SGCZ: variants seen among roughly 807,000 people sequenced by gnomAD.
The protein encoded by SGCZ is zeta-sarcoglycan.
In SGCZ, 40 loss-of-function variants were observed where a neutral mutation model predicts 41.3. The ratio of observed to expected loss-of-function variants is 0.97; its 90% CI spans 0.75 to 1.26. The LOEUF (loss-of-function observed/expected upper bound fraction) is 1.26. Among genes scored for constraint, SGCZ ranks in the 50% most tolerant of loss-of-function variants. The probability of loss-of-function intolerance (pLI) is 0.00; values close to 1 mark genes in which losing one functional copy is unlikely to be tolerated. For synonymous variants in SGCZ, 206 were observed against 137.5 expected (o/e 1.50, Z -3.49); for missense variants, 552 against 369.8 (o/e 1.49, Z -4.04).
At chr8:14,200,612 T>C (rs1805423374) in intron 4 of SGCZ, among the ~76,000 whole-genome samples, 1 of 152,106 alleles carries the variant, frequency 6.6e-6, no homozygotes, top group African/African-American at 2.4e-5. Context: ...TGTTTTTTTG[T>C]TTGTTTGTTT....
intron 2 of SGCZ, among the ~76,000 whole-genome samples, chr8:14,457,881 G>T (rs6651371): frequency 0.045 from 6,901 of 152,088 alleles, 484 homozygotes; most frequent in African/African-American, 0.16. Flanking sequence ...ACCGGTCTCC[G>T]CGCATTGGTG....
chr8:14,092,349 G>T (rs539980088), intron 7 of SGCZ, among the ~76,000 whole-genome samples: 1 of 152,110 alleles, frequency 6.6e-6, no homozygotes, highest in South Asian at 2.1e-4. Context: ...TTCCAGTTGT[G>T]TGAAGAATGT....
At position 14,086,605 on chromosome 8, in the gene SGCZ, C is replaced by T. The variant is rs893994914; in HGVS notation, c.*3838G>A. On this transcript the variant is annotated 3_prime_UTR_variant, in exon 8 of 8. Coordinates refer to ENST00000382080, the MANE Select transcript of SGCZ (RefSeq NM_139167.4). ...ATTTGGTTAATATTTCTATTAATTT[C>T]CTAAACAGTCATTTTGAATAAGATC... Among the ~76,000 whole-genome samples the T allele has an allele frequency of 1.3e-5, 2 of 151,614 alleles. No individual in the cohort carries two copies. The highest frequency in any genetic ancestry group is 1.3e-4 in the Admixed American group (2 of 15,174).
At chr8:14,959,465 G>C (rs917274448) in intron 1 of SGCZ, among the ~76,000 whole-genome samples, 2 of 152,124 alleles carry the variant, frequency 1.3e-5, no homozygotes, top group African/African-American at 2.4e-5. Context: ...GTTGCTTATA[G>C]TATATCAGCC....
chr8:14,399,857 T>C (rs114414708), intron 2 of SGCZ, among the ~76,000 whole-genome samples: 3,555 of 152,216 alleles, frequency 0.023, 126 homozygotes, highest in African/African-American at 0.078. Flanking sequence ...CTTTATATGC[T>C]ATAAAGTTTA....
chr8:14,676,621 A>T (rs1258204398), intron 1 of SGCZ, among the ~76,000 whole-genome samples: 2 of 152,208 alleles, frequency 1.3e-5, no homozygotes, highest in African/African-American at 4.8e-5. Flanking sequence ...GCACAATAAT[A>T]TAAACCACGA....
At chr8:14,558,354 C>T (rs1804096521) in intron 1 of SGCZ, among the ~76,000 whole-genome samples, 1 of 152,030 alleles carries the variant, frequency 6.6e-6, no homozygotes, top group Non-Finnish European at 1.5e-5. Flanking sequence ...GCAGGTGGAT[C>T]ACTTGAGGTC....
chr8:14,392,924 A>C (rs1804826614), intron 2 of SGCZ, among the ~76,000 whole-genome samples: 1 of 152,132 alleles, frequency 6.6e-6, no homozygotes, highest in African/African-American at 2.4e-5. Context: ...TACCCTTTTA[A>C]ATAGAAAACT....
chr8:15,119,695 T>A (rs1807407222), intron 1 of SGCZ, among the ~76,000 whole-genome samples: 2 of 152,282 alleles, frequency 1.3e-5, no homozygotes, highest in South Asian at 4.1e-4. Flanking sequence ...TCAGATAACT[T>A]GCTTTCTATC....
chr8:15,228,877 T>A (rs1259934973), intron 1 of SGCZ, among the ~76,000 whole-genome samples: 1 of 152,202 alleles, frequency 6.6e-6, no homozygotes, highest in Non-Finnish European at 1.5e-5. Flanking sequence ...AGCTTTATAA[T>A]CTTCGTAGCT....
chr8:14,649,677 TA>T (rs1252496472), intron 1 of SGCZ, among the ~76,000 whole-genome samples: 2 of 152,104 alleles, frequency 1.3e-5, no homozygotes, highest in African/African-American at 4.8e-5. Flanking sequence ...GCCTAATTGC[TA>T]AACACGTAGA....
At chr8:14,442,983 T>C (rs931414786) in intron 2 of SGCZ, among the ~76,000 whole-genome samples, 1 of 151,982 alleles carries the variant, frequency 6.6e-6, no homozygotes, top group Non-Finnish European at 1.5e-5. Context: ...AAAATCAATG[T>C]ACAAAAATCA....
At chr8:14,448,324 T>A (rs1486710742) in intron 2 of SGCZ, among the ~76,000 whole-genome samples, 2 of 152,198 alleles carry the variant, frequency 1.3e-5, no homozygotes, top group Non-Finnish European at 2.9e-5. Flanking sequence ...TTTTCTGATA[T>A]CAAGAGATCA....
intron 2 of SGCZ, among the ~76,000 whole-genome samples, chr8:14,342,407 C>T (rs1208282472): frequency 6.6e-6 from 1 of 152,126 alleles, no homozygotes; most frequent in Admixed American, 6.5e-5. Context: ...AGCTCTGCCT[C>T]CCGGGTTCAT....
At chr8:14,324,243 G>A (rs745522324) in intron 2 of SGCZ, 39 bp from the exon 3 acceptor site, 3 of 1,439,504 alleles carry the variant, frequency 2.1e-6, no homozygotes, top group Non-Finnish European at 2.9e-6. Flanking sequence ...TAGGTTAATT[G>A]GAGAATGAAT....
At chr8:14,273,795 G>C (rs994685399) in intron 3 of SGCZ, among the ~76,000 whole-genome samples, 4 of 152,054 alleles carry the variant, frequency 2.6e-5, no homozygotes, top group African/African-American at 9.7e-5. Context: ...CATCGTAATA[G>C]CCTCTCGAGA....
intron 3 of SGCZ, among the ~76,000 whole-genome samples, chr8:14,276,313 C>T (rs542456480): frequency 3.3e-5 from 5 of 152,262 alleles, no homozygotes; most frequent in Middle Eastern, 6.8e-3. Context: ...CACGTCACAG[C>T]TTCTTAGGGA....
intron 2 of SGCZ, among the ~76,000 whole-genome samples, chr8:14,328,119 A>G (rs887754536): frequency 2.6e-5 from 4 of 152,214 alleles, no homozygotes; most frequent in Admixed American, 6.5e-5. Context: ...AGATGAAATG[A>G]TAAAATGTAT....
intron 1 of SGCZ, among the ~76,000 whole-genome samples, chr8:14,670,773 T>A (rs1347175538): frequency 6.6e-6 from 1 of 152,212 alleles, no homozygotes; most frequent in Non-Finnish European, 1.5e-5. Context: ...TTGTTCCTCA[T>A]TTTAAAGATG....
Sources: gnomAD v4.1 joint callset for allele counts (sites outside exome capture counted in the v4.1 genomes callset) on GRCh38, gnomAD v4.1.1 for gene constraint, MANE v1.5 for transcripts, NCBI Gene and HGNC (gene_info 2026-07-23, HGNC 2026-07-21) for gene names.